Variants in ZNF236 observed in about 807,000 individuals in gnomAD.
ZNF236 encodes the protein zinc finger protein 236, also known as regulated by glucose.
Under a neutral mutation model 191.2 loss-of-function variants are expected in ZNF236, and 50 were observed. The ratio of observed to expected loss-of-function variants is 0.26; its 90% confidence interval spans 0.21 to 0.33. The LOEUF is 0.33. Among genes scored for constraint, ZNF236 ranks in the 10% least tolerant of loss-of-function variants. ZNF236 has a pLI of 1.00. For missense variants in ZNF236, 1,754 were observed against 2,374.5 expected, an observed-to-expected ratio of 0.74 and a Z score of 5.43; for synonymous variants, 907 against 928.8, an observed-to-expected ratio of 0.98 and a Z score of 0.43.
intron 10 of ZNF236, among the ~76,000 whole-genome samples, chr18:76,896,564 C>T (rs1453415245): frequency 6.7e-6 from 1 of 148,234 alleles, no homozygotes; most frequent in Non-Finnish European, 1.5e-5. Flanking sequence ...CACACAGGTA[C>T]CAAGCACAGT....
intron 9 of ZNF236, chr18:76,886,269 C>A (rs1292372953): frequency 6.6e-6 from 1 of 152,244 alleles, no homozygotes; most frequent in Non-Finnish European, 1.5e-5. Context: ...TCTGACAAAT[C>A]TAAAGAACTG....
At chr18:76,841,922 C>T (rs187695610) in intron 1 of ZNF236, among the ~76,000 whole-genome samples, 16 of 152,130 alleles carry the variant, frequency 1.1e-4, no homozygotes, top group African/African-American at 3.9e-4. Flanking sequence ...TGGTCTGAAA[C>T]CCTTGACCTC....
At chr18:76,852,160 A>G (rs1029976174) in intron 3 of ZNF236, among the ~76,000 whole-genome samples, 3 of 152,196 alleles carry the variant, frequency 2.0e-5, no homozygotes, top group African/African-American at 4.8e-5. Flanking sequence ...AATGTGTAGT[A>G]TATTTGAAGG....
intron 27 of ZNF236, among the ~76,000 whole-genome samples, chr18:76,955,144 C>T (rs904882125): frequency 2.6e-5 from 4 of 152,142 alleles, no homozygotes; most frequent in Admixed American, 1.3e-4. Context: ...TACAGTGTCT[C>T]ACACTGTAAT....
In ZNF236 at chr18:76,921,516, T is replaced by C. The variant is rs537271962; in HGVS notation, c.3557+1458T>C. 6.9e-4 allele frequency among the ~76,000 whole-genome samples: 105 copies of C among 152,170 alleles called. 1 individual carries two copies. The highest frequency in any genetic ancestry group is 1.4e-3 in the Non-Finnish European group (95 of 68,000). Reference sequence around the variant, plus strand: ...CTGGAGGAACTCATGAACTAACTGATAGGGTGAGATAGTTTTCCAGTAGGG... The same window carrying C: ...CTGGAGGAACTCATGAACTAACTGACAGGGTGAGATAGTTTTCCAGTAGGG... On this transcript the variant is annotated intron_variant, in intron 20 of 30. Coordinates refer to ENST00000320610, the MANE Select transcript of ZNF236 (RefSeq NM_001306089.2).
At position 76,899,175 on chromosome 18, in the gene ZNF236, C is replaced by A. The variant is rs1408700025; in HGVS notation, c.1847C>A (p.Pro616Gln). 1.2e-6 allele frequency: 2 copies of A among 1,614,138 alleles called. No homozygotes were observed. Among genetic ancestry groups the A allele is most frequent in the Non-Finnish European group, 1.7e-6 (2 of 1,179,998 alleles). The change falls in exon 11 of 31, where the codon CCA (proline) becomes CAA (glutamine). Residue 616 changes from proline (P) to glutamine (Q), a missense_variant. This residue lies in a region of ZNF236 where 641 missense variants were observed against 869.6 expected (regional missense o/e 0.74). Transcript: ENST00000320610. The stretch of plus-strand genomic sequence containing the variant: ...GTCCGTGTTGGCAAGACGAATATTC[C>A]AGTCCCTGATATTCCTTTGCAGGAA... ...AKVRVGKTNI[P>Q]VPDIPLQEPI...
intron 28 of ZNF236, among the ~76,000 whole-genome samples, chr18:76,957,151 G>A (rs546864744): frequency 6.6e-6 from 1 of 152,148 alleles, no homozygotes; most frequent in African/African-American, 2.4e-5. Context: ...TGTATGTTGG[G>A]GGGGTGGGGA....
At chr18:76,829,226 C>G (rs1975094477) in intron 1 of ZNF236, among the ~76,000 whole-genome samples, 1 of 152,124 alleles carries the variant, frequency 6.6e-6, no homozygotes, top group Non-Finnish European at 1.5e-5. Flanking sequence ...GTTTTTCAAG[C>G]TATGTTTTGT....
chr18:76,898,607 G>A (rs886988111), intron 10 of ZNF236, among the ~76,000 whole-genome samples: 1 of 152,214 alleles, frequency 6.6e-6, no homozygotes, highest in African/African-American at 2.4e-5. Flanking sequence ...TTTGCAAAAT[G>A]TGAGACATTG....
At chr18:76,895,604 A>G (rs1489870160) in intron 10 of ZNF236, among the ~76,000 whole-genome samples, 1 of 151,876 alleles carries the variant, frequency 6.6e-6, no homozygotes, top group Non-Finnish European at 1.5e-5. Flanking sequence ...AGTACTGCAC[A>G]CAGGTACTGC....
intron 1 of ZNF236, chr18:76,834,756 G>A (rs1975272562): frequency 8.8e-6 from 4 of 452,312 alleles, no homozygotes; most frequent in South Asian, 3.6e-5. Flanking sequence ...GGCATGGATC[G>A]AACATTGTAC....
chr18:76,841,755 A>G (rs1975513465), intron 1 of ZNF236, among the ~76,000 whole-genome samples: 1 of 143,570 alleles, frequency 7.0e-6, no homozygotes, highest in Non-Finnish European at 1.5e-5. Flanking sequence ...GTTCAATGGC[A>G]CGATCTCGGC....
intron 9 of ZNF236, among the ~76,000 whole-genome samples, chr18:76,884,385 T>C (rs1976988464): frequency 6.7e-6 from 1 of 148,516 alleles, no homozygotes; most frequent in South Asian, 2.1e-4. Flanking sequence ...CCGGCGACAG[T>C]GTGAGACTCC....
intron 3 of ZNF236, among the ~76,000 whole-genome samples, chr18:76,864,142 G>C (rs1221852125): frequency 6.6e-6 from 1 of 150,836 alleles, no homozygotes; most frequent in Admixed American, 6.6e-5. Flanking sequence ...CCACGCTGCA[G>C]ATTTGGGGCT....
chr18:76,917,158 A>G (rs1967390344), intron 19 of ZNF236, among the ~76,000 whole-genome samples: 1 of 152,212 alleles, frequency 6.6e-6, no homozygotes, highest in Non-Finnish European at 1.5e-5. Flanking sequence ...AGATAGTTCA[A>G]ACTCTTTAAT....
At chr18:76,963,836 C>G (rs1238903066) in intron 30 of ZNF236, among the ~76,000 whole-genome samples, 1 of 152,066 alleles carries the variant, frequency 6.6e-6, no homozygotes, top group Non-Finnish European at 1.5e-5. Context: ...ATCCATCTTT[C>G]TAGGTTTTCT....
intron 25 of ZNF236, among the ~76,000 whole-genome samples, chr18:76,928,746 C>T (rs1448870220): frequency 2.0e-5 from 3 of 151,892 alleles, no homozygotes; most frequent in Non-Finnish European, 2.9e-5. Context: ...ATAGTGTGTT[C>T]GGATCTCAGT....
Position 76,904,407 on chromosome 18 carries a change from A to G in ZNF236, c.1922A>G (p.Gln641Arg). The G allele has an allele frequency of 1.2e-6, 2 of 1,608,870 alleles. No individual in the cohort carries two copies. Among genetic ancestry groups the G allele is most frequent in the Non-Finnish European group, 1.7e-6 (2 of 1,177,896 alleles). The change falls in exon 12 of 31, where the codon CAG becomes CGG. Residue 641 changes from glutamine to arginine, a missense_variant. By Grantham distance (43) the Gln-to-Arg change is conservative. This residue lies in a region of ZNF236 where 641 missense variants were observed against 869.6 expected (regional missense o/e 0.74). Coordinates refer to ENST00000320610, the MANE Select transcript of ZNF236 (RefSeq NM_001306089.2). ...LGLIQPIPKN[Q>R]FFQSYFNNNF... ...CTCATCCAGCCCATTCCAAAAAACC[A>G]GTTTTTCCAAAGCTATTTCAATAAT...
At chr18:76,855,487 G>C (rs1477234599) in intron 3 of ZNF236, among the ~76,000 whole-genome samples, 1 of 152,122 alleles carries the variant, frequency 6.6e-6, no homozygotes, top group Non-Finnish European at 1.5e-5. Flanking sequence ...ATAATATTCT[G>C]TGCCTTTTCA....
Sources: gnomAD v4.1 joint callset for allele counts (sites outside exome capture counted in the v4.1 genomes callset) on GRCh38, gnomAD v4.1.1 for gene constraint, gnomAD v4.1.1 regional missense constraint, MANE v1.5 for transcripts, NCBI Gene and HGNC (gene_info 2026-07-23, HGNC 2026-07-21) for gene names.